The following PTGES3 variants were observed in gnomAD, a reference collection of about 807,000 sequenced individuals.
The protein encoded by PTGES3 is prostaglandin E synthase 3.
A neutral mutation model predicts 29.9 loss-of-function variants in PTGES3; 5 were observed. The ratio of observed to expected loss-of-function variants is 0.17; its 90% CI spans 0.09 to 0.35. PTGES3 has a LOEUF of 0.35. PTGES3 is among the 10% of genes least tolerant of loss of function. The probability of loss-of-function intolerance (pLI) is 1.00; values close to 1 mark genes in which losing one functional copy is unlikely to be tolerated. For synonymous variants in PTGES3, 49 were observed against 57.8 expected (o/e 0.85, Z 0.69); for missense variants, 128 against 190.0 (o/e 0.67, Z 1.92).
At chr12:56,666,865 G>A (rs1951808869) in intron 5 of PTGES3, among the ~76,000 whole-genome samples, 2 of 152,078 alleles carry the variant, frequency 1.3e-5, no homozygotes, top group Non-Finnish European at 2.9e-5. Flanking sequence ...GGGCTGTAGT[G>A]ATCCACCCAC....
chr12:56,669,316 C>T (rs1951907064), intron 5 of PTGES3, among the ~76,000 whole-genome samples: 1 of 152,148 alleles, frequency 6.6e-6, no homozygotes, highest in Admixed American at 6.6e-5. Flanking sequence ...CCTCGGCCTC[C>T]CGAGTAGCTG....
At chr12:56,684,612 AAAC>A (rs752956467) in intron 1 of PTGES3, among the ~76,000 whole-genome samples, 23 of 152,232 alleles carry the variant, frequency 1.5e-4, no homozygotes, top group Admixed American at 2.0e-4. Context: ...TAGACAGGAA[AAAC>A]AACAACTTCC....
chr12:56,683,158 G>A (rs1031492216), intron 1 of PTGES3, among the ~76,000 whole-genome samples: 1 of 151,700 alleles, frequency 6.6e-6, no homozygotes, highest in African/African-American at 2.4e-5. Flanking sequence ...GACCAGCCTG[G>A]CCAAGATGGT....
Position 56,672,748 on chromosome 12 carries a change from C to T in PTGES3, c.178G>A (p.Asp60Asn), listed in dbSNP as rs376525402. The T allele has an allele frequency of 1.9e-6, 3 of 1,581,920 alleles. No homozygotes were observed. Among genetic ancestry groups the T allele is most frequent in the Middle Eastern group, 1.7e-4 (1 of 5,742 alleles). ...GCATAAAGACTACTTACATTTGGATCAATACAGTGAAAAAGATCAATTTCA... is the reference window on the plus strand; with the variant it reads ...GCATAAAGACTACTTACATTTGGATTAATACAGTGAAAAAGATCAATTTCA... The part of the protein sequence containing the change: ...LNEIDLFHCI[D>N]PNDSKHKRTD... The change falls in exon 3 of 8, where the codon GAT (aspartate) becomes AAT (asparagine). Residue 60 changes from aspartate to asparagine, a missense_variant. Transcript: ENST00000262033.
At chr12:56,670,633 G>C (rs887615519) in intron 4 of PTGES3, 25 of 314,130 alleles carry the variant, frequency 8.0e-5, no homozygotes, top group Admixed American at 2.6e-4. Context: ...TGTTAACTTA[G>C]CGTGGTTACC....
At chr12:56,665,307 G>A in intron 6 of PTGES3, 1 of 894,692 alleles carries the variant, frequency 1.1e-6, no homozygotes, top group Non-Finnish European at 1.3e-6. Context: ...TTTTTTTTGG[G>A]TGGGGGGAGA....
At chr12:56,669,286 G>T (rs1490868362) in intron 5 of PTGES3, among the ~76,000 whole-genome samples, 1 of 152,038 alleles carries the variant, frequency 6.6e-6, no homozygotes, top group East Asian at 1.9e-4. Context: ...TCCACCTCCC[G>T]GGTTCAAGTG....
chr12:56,685,273 C>T (rs1952770687), intron 1 of PTGES3, among the ~76,000 whole-genome samples: 1 of 152,146 alleles, frequency 6.6e-6, no homozygotes, highest in Non-Finnish European at 1.5e-5. Flanking sequence ...GAAGAATTTA[C>T]TAAACGGCAT....
chr12:56,668,617 T>G (rs575671891), intron 5 of PTGES3, among the ~76,000 whole-genome samples: 9 of 152,230 alleles, frequency 5.9e-5, no homozygotes, highest in African/African-American at 1.9e-4. Flanking sequence ...AAAGTACAAT[T>G]AAAAAATAAT....
At chr12:56,664,993 A>G (rs896542619) in intron 6 of PTGES3, 193 bp from the exon 7 acceptor site, 22 of 985,328 alleles carry the variant, frequency 2.2e-5, no homozygotes, top group South Asian at 4.7e-5. Flanking sequence ...CAGAGGATTT[A>G]TCTACCTATA....
chr12:56,687,955 G>A (rs764050892), intron 1 of PTGES3, 43 bp downstream of exon 1: 4 of 1,603,014 alleles, frequency 2.5e-6, no homozygotes, highest in South Asian at 1.1e-5. Context: ...ACGCGGCCTC[G>A]GCCTCACTCG....
chr12:56,675,986 TGAGGCC>T (rs1277315735), intron 1 of PTGES3, among the ~76,000 whole-genome samples: 1 of 151,942 alleles, frequency 6.6e-6, no homozygotes, highest in Non-Finnish European at 1.5e-5. Context: ...CAGCACTTTG[TGAGGCC>T]AAGGCTGATG....
rs1241115418 is a variant in PTGES3, at chr12:56,664,094, A to G, written c.*385T>C. 1 of 168,536 alleles carries G rather than the reference A, an allele frequency of 5.9e-6. No individual in the cohort carries two copies. Among genetic ancestry groups the G allele is most frequent in the African/African-American group, 2.4e-5 (1 of 41,544 alleles). The allele number at this position is 168,536 out of a possible 1,614,324, so 10.4% of individuals were successfully genotyped here. On this transcript the variant is annotated 3_prime_UTR_variant, in exon 8 of 8. Transcript: ENST00000262033. ...AGTCACTTTTGAATCCATGTTCTAT[A>G]ATCTAAAATTTATTCTCTTTCCCTA...
intron 6 of PTGES3, chr12:56,665,180 G>C (rs961821863): frequency 7.1e-6 from 7 of 985,154 alleles, no homozygotes; most frequent in South Asian, 4.7e-5. Context: ...TTTCTAAATA[G>C]CATTAAATAA....
chr12:56,681,260 C>T (rs546632762), intron 1 of PTGES3, among the ~76,000 whole-genome samples: 10 of 149,984 alleles, frequency 6.7e-5, no homozygotes, highest in South Asian at 2.3e-4. Flanking sequence ...AGAATCAGGC[C>T]GGGCGCGGTG....
chr12:56,682,084 T>A (rs1257082479), intron 1 of PTGES3, among the ~76,000 whole-genome samples: 1 of 151,936 alleles, frequency 6.6e-6, no homozygotes, highest in African/African-American at 2.4e-5. Flanking sequence ...TGACCACAAG[T>A]GACCTGCCCG....
At chr12:56,676,872 G>A (rs1423104412) in intron 1 of PTGES3, among the ~76,000 whole-genome samples, 2 of 135,790 alleles carry the variant, frequency 1.5e-5, no homozygotes, top group Non-Finnish European at 3.0e-5. Context: ...AGTGAGCTGA[G>A]ATCGTGCCAC....
rs1951782265 is a variant in PTGES3, at chr12:56,666,236, C to T, written c.406G>A (p.Val136Ile). ...GCTCCATCTACTTCTGGTAAATCTACATCCTCATCACCACCCATGTTGTTC... is the reference window on the plus strand; with the variant it reads ...GCTCCATCTACTTCTGGTAAATCTATATCCTCATCACCACCCATGTTGTTC... ...MMNNMGGDED[V>I]DLPEVDGADD... Residue 136 changes from valine to isoleucine, a missense_variant, in exon 6 of 8, where the codon GTA becomes ATA. Transcript: ENST00000262033. The T allele has an allele frequency of 1.9e-6, 3 of 1,610,768 alleles. No homozygotes were observed. Among genetic ancestry groups the T allele is most frequent in the East Asian group, 2.2e-5 (1 of 44,740 alleles).
intron 1 of PTGES3, among the ~76,000 whole-genome samples, chr12:56,675,592 G>A (rs1952203438): frequency 6.6e-6 from 1 of 151,306 alleles, no homozygotes; most frequent in Admixed American, 6.6e-5. Context: ...ATATTTACTG[G>A]CTGACCCTTT....
Sources: allele counts gnomAD v4.1 joint callset (sites outside exome capture counted in the v4.1 genomes callset), GRCh38; gene constraint gnomAD v4.1.1; transcripts MANE v1.5; gene names NCBI Gene and HGNC (gene_info 2026-07-23, HGNC 2026-07-21).